The following ZNF521 variants were observed in gnomAD, a reference collection of about 807,000 sequenced individuals.
The protein encoded by ZNF521 is LYST-interacting protein 3.
Under a neutral mutation model 105.5 loss-of-function variants are expected in ZNF521, and 14 were observed. That is an observed-to-expected ratio of 0.13 (90% CI 0.09 to 0.21). The LOEUF (loss-of-function observed/expected upper bound fraction) is 0.21, where lower values mean the gene tolerates loss of function less well. ZNF521 is among the 10% of genes least tolerant of loss of function. The pLI is 1.00. For missense variants in ZNF521, 1,233 were observed against 1,629.7 expected, an observed-to-expected ratio of 0.76 and a Z score of 4.19; for synonymous variants, 635 against 606.0, an observed-to-expected ratio of 1.05 and a Z score of -0.70.
chr18:25,112,603 G>A (rs532686103), intron 5 of ZNF521, among the ~76,000 whole-genome samples: 2 of 152,296 alleles, frequency 1.3e-5, no homozygotes, highest in South Asian at 2.1e-4. Flanking sequence ...TACACTTAAT[G>A]TATGAACCTT....
At chr18:25,082,416 C>T (rs942223360) in intron 7 of ZNF521, among the ~76,000 whole-genome samples, 1 of 152,066 alleles carries the variant, frequency 6.6e-6, no homozygotes, top group Non-Finnish European at 1.5e-5. Flanking sequence ...GTATAGGACC[C>T]GGATATGCCA....
At chr18:25,336,037 A>G (rs1913861455) in intron 2 of ZNF521, among the ~76,000 whole-genome samples, 1 of 152,238 alleles carries the variant, frequency 6.6e-6, no homozygotes, top group South Asian at 2.1e-4. Flanking sequence ...AGAATAAAGA[A>G]GAAACCAAGA....
chr18:25,176,230 AAAC>A (rs1253368765), intron 5 of ZNF521, among the ~76,000 whole-genome samples: 1 of 152,184 alleles, frequency 6.6e-6, no homozygotes, highest in Non-Finnish European at 1.5e-5. Context: ...AATGCAACAC[AAAC>A]AACAGGAAGT....
At position 25,180,987 on chromosome 18, in the gene ZNF521, T is replaced by C. The variant is rs145932922; in HGVS notation, c.3658+14173A>G. Among the ~76,000 whole-genome samples, 57 of 152,262 alleles carry C rather than the reference T, an allele frequency of 3.7e-4. No homozygotes were observed. The East Asian group carries it at 0.01, about 27-fold the overall frequency. ...ATTTTAACAGGTAAGTAAATCCCTA[T>C]TTCAGCAGGTTTACTCCAGATTATC... On this transcript the variant is annotated intron_variant, in intron 5 of 7. Coordinates refer to ENST00000361524, the MANE Select transcript of ZNF521 (RefSeq NM_015461.3).
chr18:25,098,859 TGAAA>T (rs2033907233), intron 5 of ZNF521, among the ~76,000 whole-genome samples: 1 of 152,196 alleles, frequency 6.6e-6, no homozygotes, highest in Non-Finnish European at 1.5e-5. Context: ...TTCTCTGACT[TGAAA>T]GAAAGTTTGT....
chr18:25,259,707 T>C (rs1908777445), intron 3 of ZNF521, among the ~76,000 whole-genome samples: 1 of 152,040 alleles, frequency 6.6e-6, no homozygotes, highest in Admixed American at 6.6e-5. Context: ...AACACAGCAG[T>C]CAACGGTATT....
intron 5 of ZNF521, among the ~76,000 whole-genome samples, chr18:25,159,747 C>T (rs374989624): frequency 8.5e-5 from 13 of 152,246 alleles, no homozygotes; most frequent in African/African-American, 3.1e-4. Flanking sequence ...AGAAATGTCA[C>T]ATCGGGGTCA....
chr18:25,158,125 A>T (rs1165575273), intron 5 of ZNF521, among the ~76,000 whole-genome samples: 1 of 152,166 alleles, frequency 6.6e-6, no homozygotes, highest in Non-Finnish European at 1.5e-5. Flanking sequence ...CTCATAGAAT[A>T]GTTGTGGTTT....
intron 3 of ZNF521, among the ~76,000 whole-genome samples, chr18:25,314,082 T>C (rs1912473077): frequency 6.6e-6 from 1 of 152,072 alleles, no homozygotes; most frequent in Non-Finnish European, 1.5e-5. Context: ...AATATAGAAA[T>C]ATGCAAATAA....
chr18:25,120,777 A>G (rs2034425009), intron 5 of ZNF521, among the ~76,000 whole-genome samples: 1 of 152,122 alleles, frequency 6.6e-6, no homozygotes, highest in Non-Finnish European at 1.5e-5. Context: ...AAACAGATCA[A>G]CCCCTTTAGA....
chr18:25,281,727 C>T (rs752334474), intron 3 of ZNF521, among the ~76,000 whole-genome samples: 1 of 152,152 alleles, frequency 6.6e-6, no homozygotes, highest in South Asian at 2.1e-4. Context: ...CTAGAAATTG[C>T]GCTCAGGCAA....
chr18:25,188,313 C>A (rs908156283), intron 5 of ZNF521, among the ~76,000 whole-genome samples: 1 of 152,178 alleles, frequency 6.6e-6, no homozygotes, highest in Admixed American at 6.5e-5. Flanking sequence ...ACAATATGAG[C>A]AGCTGAAGTT....
intron 5 of ZNF521, among the ~76,000 whole-genome samples, chr18:25,107,867 T>C (rs111900424): frequency 4.3e-4 from 65 of 152,356 alleles, no homozygotes; most frequent in African/African-American, 1.5e-3. Context: ...TGTTTTGTCC[T>C]GGGCTGCAAA....
chr18:25,341,094 C>T (rs1483416448), intron 2 of ZNF521, among the ~76,000 whole-genome samples: 4 of 152,060 alleles, frequency 2.6e-5, no homozygotes, highest in Admixed American at 6.5e-5. Context: ...TCTTTGAACA[C>T]GAAGACCATC....
chr18:25,305,695 A>G (rs1458294363), intron 3 of ZNF521, among the ~76,000 whole-genome samples: 2 of 152,210 alleles, frequency 1.3e-5, no homozygotes, highest in Non-Finnish European at 2.9e-5. Context: ...TTTGAATTTT[A>G]GAAGGGAAGA....
At chr18:25,277,761 C>A (rs1424272327) in intron 3 of ZNF521, among the ~76,000 whole-genome samples, 1 of 152,146 alleles carries the variant, frequency 6.6e-6, no homozygotes, top group East Asian at 1.9e-4. Context: ...CCACAATTAT[C>A]TTGAATTAAC....
intron 2 of ZNF521, among the ~76,000 whole-genome samples, chr18:25,338,474 G>A (rs544592117): frequency 2.6e-5 from 4 of 151,872 alleles, no homozygotes; most frequent in African/African-American, 7.2e-5. Context: ...GTGCAGTGGC[G>A]TGATCTCGAC....
At chr18:25,166,755 C>A (rs1027857780) in intron 5 of ZNF521, among the ~76,000 whole-genome samples, 4 of 152,244 alleles carry the variant, frequency 2.6e-5, no homozygotes, top group East Asian at 1.9e-4. Flanking sequence ...TATAACTAGA[C>A]AATTGGCAGA....
intron 5 of ZNF521, among the ~76,000 whole-genome samples, chr18:25,194,111 T>C (rs966052778): frequency 6.6e-6 from 1 of 151,806 alleles, no homozygotes; most frequent in African/African-American, 2.4e-5. Context: ...CTAATTAGTA[T>C]ACAATCAAAC....
Sources: gnomAD v4.1 joint callset for allele counts (sites outside exome capture counted in the v4.1 genomes callset) on GRCh38, gnomAD v4.1.1 for gene constraint, MANE v1.5 for transcripts, NCBI Gene and HGNC (gene_info 2026-07-23, HGNC 2026-07-21) for gene names.